Variants in STPG2 observed in about 807,000 individuals in gnomAD.
STPG2 encodes the protein sperm tail PG-rich repeat containing 2, also known as sperm-tail PG-rich repeat-containing protein 2.
In STPG2, 56 loss-of-function variants were observed where a neutral mutation model predicts 54.2. That is an observed-to-expected ratio of 1.03 (90% CI 0.83 to 1.29). The LOEUF is 1.29. Ranked by LOEUF, STPG2 falls within the 50% of genes most tolerant of loss-of-function variation. STPG2 has a pLI of 0.00. For synonymous variants in STPG2, 200 were observed against 181.8 expected, an observed-to-expected ratio of 1.10 and a Z score of -0.81; for missense variants, 596 against 544.9, an observed-to-expected ratio of 1.09 and a Z score of -0.93.
chr4:98,119,224 G>A (rs1205664419), intron 3 of STPG2, among the ~76,000 whole-genome samples: 1 of 151,984 alleles, frequency 6.6e-6, no homozygotes, highest in Non-Finnish European at 1.5e-5. Flanking sequence ...AATCATTTAT[G>A]AGATAAATAC....
At chr4:97,622,992 A>G (rs1734050765) in intron 10 of STPG2, among the ~76,000 whole-genome samples, 1 of 152,300 alleles carries the variant, frequency 6.6e-6, no homozygotes, top group African/African-American at 2.4e-5. Flanking sequence ...AATCTTCAAC[A>G]AAGTTGACAA....
At chr4:97,485,984 A>G (rs919600679) in intron 4 of STPG2, among the ~76,000 whole-genome samples, 4 of 152,040 alleles carry the variant, frequency 2.6e-5, no homozygotes, top group Non-Finnish European at 5.9e-5. Context: ...ATAATTGCCC[A>G]GCCATATGTA....
intron 3 of STPG2, among the ~76,000 whole-genome samples, chr4:98,109,833 A>G (rs541622707): frequency 6.6e-6 from 1 of 152,300 alleles, no homozygotes; most frequent in Non-Finnish European, 1.5e-5. Context: ...GCTTAAAGAC[A>G]GGATCAGTCT....
chr4:97,900,483 T>C (rs913336670), intron 8 of STPG2, among the ~76,000 whole-genome samples: 5 of 152,136 alleles, frequency 3.3e-5, no homozygotes, highest in Admixed American at 3.3e-4. Context: ...AATGAATCAC[T>C]GCAGCCCTAT....
At chr4:97,996,985 G>T (rs947408885) in intron 5 of STPG2, among the ~76,000 whole-genome samples, 5 of 152,212 alleles carry the variant, frequency 3.3e-5, no homozygotes, top group African/African-American at 1.2e-4. Context: ...ATACACTGCT[G>T]GTGGGAATGT....
chr4:97,664,826 C>T (rs754764664), intron 10 of STPG2, among the ~76,000 whole-genome samples: 8 of 152,006 alleles, frequency 5.3e-5, no homozygotes, highest in East Asian at 3.9e-4. Flanking sequence ...TGGGCCCACT[C>T]GGCTGGGCAG....
At chr4:97,910,977 G>A (rs144256206) in intron 8 of STPG2, among the ~76,000 whole-genome samples, 150 of 152,262 alleles carry the variant, frequency 9.9e-4, no homozygotes, top group African/African-American at 3.3e-3. Flanking sequence ...TACTGACTAC[G>A]CAATCGGCGT....
chr4:97,969,007 A>G (rs1319848054), intron 7 of STPG2, among the ~76,000 whole-genome samples: 1 of 152,160 alleles, frequency 6.6e-6, no homozygotes, highest in Admixed American at 6.5e-5. Context: ...CCTTGTGGAG[A>G]GCCTATAAAC....
At chr4:97,748,725 T>C (rs1164250104) in intron 9 of STPG2, among the ~76,000 whole-genome samples, 4 of 151,592 alleles carry the variant, frequency 2.6e-5, no homozygotes, top group Non-Finnish European at 4.4e-5. Context: ...AGAATTTTTA[T>C]CTATGGACAC....
At chr4:97,974,162 T>C (rs929588762) in intron 6 of STPG2, among the ~76,000 whole-genome samples, 2 of 152,224 alleles carry the variant, frequency 1.3e-5, no homozygotes, top group African/African-American at 4.8e-5. Flanking sequence ...GAGACTATTT[T>C]GGAGCTTTAA....
chr4:98,005,453 C>T lies in STPG2; in HGVS notation c.613-24135G>A, dbSNP rs528954693. On this transcript the variant is annotated intron_variant, in intron 5 of 10. Coordinates refer to ENST00000295268, the MANE Select transcript of STPG2 (RefSeq NM_174952.3). ...AAATAGAAGTCATGATAATGAATAT[C>T]CTTGTCTAGTTCTGGATCTTGAAAA... 2.1e-4 allele frequency among the ~76,000 whole-genome samples: 32 copies of T among 152,220 alleles called. 1 individual carries two copies. Among genetic ancestry groups the T allele is most frequent in the Non-Finnish European group, 4.3e-4 (29 of 67,998 alleles).
At chr4:97,446,218 G>T (rs1398388604) in intron 4 of STPG2, among the ~76,000 whole-genome samples, 1 of 152,108 alleles carries the variant, frequency 6.6e-6, no homozygotes, top group African/African-American at 2.4e-5. Flanking sequence ...CCTGATTAAG[G>T]TAACTATTTT....
chr4:97,467,719 C>T lies in STPG2; in HGVS notation c.462+244980G>A, dbSNP rs554579290. 1.4e-4 allele frequency among the ~76,000 whole-genome samples: 21 copies of T among 151,898 alleles called. No individual in the cohort carries two copies. The South Asian group carries it at 1.9e-3, about 14-fold the overall frequency. On this transcript the variant is annotated intron_variant, in intron 4 of 4. Transcript: ENST00000522676. ...TTTGTTGACTGGATCAGGAGATAAA[C>T]GCAAACACAGAGTAGGCTAATGCAA... is the stretch of plus-strand genomic sequence containing the variant.
chr4:97,470,983 T>C (rs1729912966), intron 4 of STPG2, among the ~76,000 whole-genome samples: 1 of 152,020 alleles, frequency 6.6e-6, no homozygotes, highest in Admixed American at 6.6e-5. Flanking sequence ...ATATCGATGG[T>C]TGGGTATTAG....
intron 5 of STPG2, among the ~76,000 whole-genome samples, chr4:98,091,026 CA>C (rs1242480907): frequency 2.0e-5 from 3 of 151,670 alleles, no homozygotes; most frequent in African/African-American, 7.2e-5. Context: ...CCTCTCTGTC[CA>C]AATCTCCATA....
intron 7 of STPG2, among the ~76,000 whole-genome samples, chr4:97,963,090 C>T (rs146152996): frequency 6.3e-4 from 96 of 152,210 alleles, no homozygotes; most frequent in Non-Finnish European, 1.2e-3. Context: ...ACCCGGGAGG[C>T]AGAGATTGCA....
intron 4 of STPG2, among the ~76,000 whole-genome samples, chr4:97,459,443 T>G (rs1186198884): frequency 6.8e-6 from 1 of 148,000 alleles, no homozygotes; most frequent in Non-Finnish European, 1.5e-5. Flanking sequence ...TTTTTTTGTT[T>G]TTTTTTTTTT....
At chr4:97,990,155 G>T (rs894926978) in intron 5 of STPG2, among the ~76,000 whole-genome samples, 4 of 152,140 alleles carry the variant, frequency 2.6e-5, no homozygotes, top group Admixed American at 1.3e-4. Context: ...TGCATAAATG[G>T]ACAAATGAAA....
At chr4:98,074,757 T>C (rs1560667458) in intron 5 of STPG2, among the ~76,000 whole-genome samples, 1 of 152,242 alleles carries the variant, frequency 6.6e-6, no homozygotes, top group African/African-American at 2.4e-5. Context: ...GTTTTATGTA[T>C]TATAATTACT....
Sources: allele counts gnomAD v4.1 joint callset (sites outside exome capture counted in the v4.1 genomes callset), GRCh38; gene constraint gnomAD v4.1.1; transcripts MANE v1.5; gene names NCBI Gene and HGNC (gene_info 2026-07-23, HGNC 2026-07-21).